The following CFAP47 variants were observed in gnomAD, a reference collection of about 807,000 sequenced individuals.
CFAP47 encodes cilia- and flagella-associated protein 47.
In CFAP47, 29 loss-of-function variants were observed where a neutral mutation model predicts 148.1. The ratio of observed to expected loss-of-function variants is 0.20; its 90% CI spans 0.15 to 0.27. The LOEUF is 0.27. Among genes scored for constraint, CFAP47 ranks in the 10% least tolerant of loss-of-function variants. The pLI is 1.00. For synonymous variants in CFAP47, 664 were observed against 577.3 expected, an observed-to-expected ratio of 1.15 and a Z score of -2.15; for missense variants, 1,872 against 1,697.5, an observed-to-expected ratio of 1.10 and a Z score of -1.81.
intron 44 of CFAP47, among the ~76,000 whole-genome samples, chrX:36,204,022 T>C (rs1236439084): frequency 1.8e-5 from 2 of 112,149 alleles, no homozygotes; most frequent in African/African-American, 6.5e-5. Flanking sequence ...CATTTTTTCA[T>C]GTGTTTTTTG....
At chrX:36,181,431 GA>G (rs1379264902) in intron 40 of CFAP47, among the ~76,000 whole-genome samples, 1 of 111,305 alleles carries the variant, frequency 9.0e-6, no homozygotes, top group Non-Finnish European at 1.9e-5. Context: ...ATTTTTCCAG[GA>G]AAGGAAACCT....
intron 49 of CFAP47, among the ~76,000 whole-genome samples, chrX:36,257,052 T>G (rs912953464): frequency 6.2e-5 from 7 of 112,761 alleles, no homozygotes; most frequent in South Asian, 7.2e-4. Context: ...CAGTTGATTT[T>G]TTAAAGCCTT....
intron 2 of CFAP47, among the ~76,000 whole-genome samples, chrX:35,937,018 C>T (rs1158407354): frequency 2.8e-5 from 3 of 108,567 alleles, no homozygotes; most frequent in Admixed American, 2.0e-4. Context: ...GTCCCGCTTA[C>T]CTTTCCAGTG....
chrX:36,158,179 A>G (rs192521079), intron 37 of CFAP47, among the ~76,000 whole-genome samples: 1 of 112,360 alleles, frequency 8.9e-6, no homozygotes, highest in East Asian at 2.8e-4. Context: ...AAGGGAATCT[A>G]TTCCCATCTC....
chrX:36,224,984 G>C (rs1249193064), intron 45 of CFAP47, among the ~76,000 whole-genome samples: 6 of 111,974 alleles, frequency 5.4e-5, no homozygotes, highest in African/African-American at 1.9e-4. Flanking sequence ...AATAACCAAA[G>C]TTAAATGAAA....
intron 57 of CFAP47, among the ~76,000 whole-genome samples, chrX:36,327,082 CA>C (rs76968693): frequency 0.19 from 20,265 of 108,898 alleles, 1,450 homozygotes; most frequent in South Asian, 0.3. Context: ...GAATCCATTG[CA>C]AAAAAAACAA....
intron 27 of CFAP47, among the ~76,000 whole-genome samples, chrX:36,068,108 A>G (rs1937675186): frequency 8.9e-6 from 1 of 112,182 alleles, no homozygotes; most frequent in Admixed American, 9.5e-5. Flanking sequence ...TTTATGCTCA[A>G]GCCACATTAA....
intron 42 of CFAP47, among the ~76,000 whole-genome samples, chrX:36,198,488 C>T (rs1939942414): frequency 9.0e-6 from 1 of 111,721 alleles, no homozygotes; most frequent in African/African-American, 3.2e-5. Context: ...AAAAAGATGC[C>T]AAACTCTTTA....
intron 53 of CFAP47, among the ~76,000 whole-genome samples, chrX:36,302,688 G>A (rs1355770922): frequency 4.5e-5 from 5 of 111,774 alleles, no homozygotes; most frequent in African/African-American, 1.3e-4. Flanking sequence ...TGAGAATTAT[G>A]AACACTCATT....
At chrX:36,381,271 CA>C (rs1238368474) in intron 63 of CFAP47, among the ~76,000 whole-genome samples, 4 of 111,565 alleles carry the variant, frequency 3.6e-5, no homozygotes, top group Non-Finnish European at 1.9e-5. Flanking sequence ...GCATATCCAA[CA>C]CTGTAATTCT....
intron 26 of CFAP47, among the ~76,000 whole-genome samples, chrX:36,058,946 C>A (rs756460983): frequency 8.9e-6 from 1 of 112,114 alleles, no homozygotes; most frequent in South Asian, 3.7e-4. Flanking sequence ...AACAAATATT[C>A]TTTCGGATTG....
rs938652041 is a variant in CFAP47, at chrX:36,000,361, C to G, written c.3256C>G (p.Arg1086Gly). The change falls in exon 20 of 64, where the codon CGT (arginine) becomes GGT (glycine). Residue 1086 changes from arginine (R) to glycine (G), a missense_variant. Transcript: ENST00000378653. ...PFVIKNKGIT[R>G]ARVEFNLKDF... ...TGTAATAAAAAACAAAGGTATAACACGTGCCAGAGTGGAGTTTAATCTAAA... is the reference window on the plus strand; with the variant it reads ...TGTAATAAAAAACAAAGGTATAACAGGTGCCAGAGTGGAGTTTAATCTAAA... 3.4e-6 allele frequency: 1 copy of G among 295,774 alleles called. No individual in the cohort carries two copies. Among genetic ancestry groups the G allele is most frequent in the East Asian group, 4.8e-5 (1 of 20,884 alleles). The allele number at this position is 295,774 out of a possible 1,213,427, so 24.4% of individuals were successfully genotyped here.
chrX:36,192,452 G>A lies in CFAP47; in HGVS notation c.6321+2256G>A, dbSNP rs782553070. Among the ~76,000 whole-genome samples, 7 of 111,606 alleles carry A rather than the reference G, an allele frequency of 6.3e-5. No homozygotes were observed. In the South Asian group the frequency reaches 2.7e-3, roughly 42 times the overall value. On this transcript the variant is annotated intron_variant, in intron 42 of 63. Transcript: ENST00000378653. ...CAATGATGTATTGATAAAACCTTGGGGTTCTGTCTTCACTGTAGTGTCTGT... is the reference window on the plus strand; with the variant it reads ...CAATGATGTATTGATAAAACCTTGGAGTTCTGTCTTCACTGTAGTGTCTGT...
chrX:35,927,997 TTA>T (rs146298634), intron 2 of CFAP47, among the ~76,000 whole-genome samples: 11,768 of 102,863 alleles, frequency 0.11, 619 homozygotes, highest in East Asian at 0.22. Context: ...GTATTCTATT[TTA>T]TATATATATA....
At chrX:35,927,997 T>TTA (rs146298634) in intron 2 of CFAP47, among the ~76,000 whole-genome samples, 3,609 of 102,921 alleles carry the variant, frequency 0.035, 92 homozygotes, top group Admixed American at 0.11. Context: ...GTATTCTATT[T>TTA]TATATATATA....
At chrX:36,114,300 C>T (rs1224347408) in intron 33 of CFAP47, among the ~76,000 whole-genome samples, 2 of 111,425 alleles carry the variant, frequency 1.8e-5, no homozygotes, top group Non-Finnish European at 3.8e-5. Context: ...CAACATACTC[C>T]TGCATCTCCA....
chrX:36,060,760 G>A (rs767468087), intron 26 of CFAP47, among the ~76,000 whole-genome samples: 9 of 111,163 alleles, frequency 8.1e-5, no homozygotes, highest in African/African-American at 2.6e-4. Flanking sequence ...ATATTTTCTA[G>A]AATTATTAGT....
At chrX:35,962,248 A>G (rs1331732187) in intron 8 of CFAP47, among the ~76,000 whole-genome samples, 1 of 111,934 alleles carries the variant, frequency 8.9e-6, no homozygotes, top group East Asian at 2.8e-4. Context: ...CTATATTTGA[A>G]ATGTTTCATT....
chrX:35,930,417 C>CT (rs1172923459), intron 2 of CFAP47, among the ~76,000 whole-genome samples: 1 of 110,587 alleles, frequency 9.0e-6, no homozygotes, highest in Non-Finnish European at 1.9e-5. Flanking sequence ...GATTTCTTTG[C>CT]TTTTTTTAAT....
Sources: allele counts gnomAD v4.1 joint callset (sites outside exome capture counted in the v4.1 genomes callset), GRCh38; gene constraint gnomAD v4.1.1; transcripts MANE v1.5; gene names NCBI Gene and HGNC (gene_info 2026-07-23, HGNC 2026-07-21).